Variants in ARHGAP26 observed in about 807,000 individuals in gnomAD.
ARHGAP26 encodes rho GTPase-activating protein 26.
ARHGAP26 carries 38 observed loss-of-function variants against 104.8 expected under a neutral mutation model. The observed-to-expected ratio is 0.36, with a 90% CI of 0.28 to 0.48. The LOEUF is 0.48. Among genes scored for constraint, ARHGAP26 ranks in the 20% least tolerant of loss-of-function variants. ARHGAP26 has a pLI of 0.99. For synonymous variants in ARHGAP26, 341 were observed against 340.0 expected (o/e 1.00, Z -0.03); for missense variants, 704 against 947.9 (o/e 0.74, Z 3.38).
intron 11 of ARHGAP26, among the ~76,000 whole-genome samples, chr5:142,934,727 T>C (rs1765174560): frequency 6.6e-6 from 1 of 152,104 alleles, no homozygotes; most frequent in Non-Finnish European, 1.5e-5. Context: ...TATACTTCTA[T>C]CTCAGTTGTT....
intron 1 of ARHGAP26, among the ~76,000 whole-genome samples, chr5:142,786,722 C>A (rs1758730298): frequency 7.2e-6 from 1 of 139,190 alleles, no homozygotes; most frequent in South Asian, 2.3e-4. Context: ...TCTTGGCTCA[C>A]TGCAACCTCC....
chr5:142,884,097 G>A lies in ARHGAP26; in HGVS notation c.385-1201G>A, dbSNP rs1158284616. ...CACATGAGTCAAAAGCAGGAATAAT[G>A]TACCCAATTAGCAAATTTGATCCCG... is the stretch of plus-strand genomic sequence containing the variant. On this transcript the variant is annotated intron_variant, in intron 4 of 22. Transcript: ENST00000645722. Among the ~76,000 whole-genome samples the A allele has an allele frequency of 2.0e-5, 3 of 152,232 alleles. No homozygotes were observed. In the East Asian group the frequency reaches 5.8e-4, roughly 29 times the overall value.
intron 1 of ARHGAP26, among the ~76,000 whole-genome samples, chr5:142,836,349 T>C (rs1334301005): frequency 1.3e-5 from 2 of 152,182 alleles, no homozygotes; most frequent in South Asian, 2.1e-4. Context: ...ATATAAATCA[T>C]TTACAACTTA....
chr5:143,019,794 T>C (rs1425121021), intron 12 of ARHGAP26, among the ~76,000 whole-genome samples: 4 of 152,228 alleles, frequency 2.6e-5, no homozygotes, highest in Admixed American at 2.6e-4. Context: ...ACAAGAATGC[T>C]GCCCTCCCAC....
chr5:143,045,364 A>G (rs1305370779), intron 14 of ARHGAP26, among the ~76,000 whole-genome samples: 1 of 152,240 alleles, frequency 6.6e-6, no homozygotes, highest in Non-Finnish European at 1.5e-5. Context: ...AATGATATCC[A>G]TGATTCTCCC....
chr5:143,227,655 G>C lies in ARHGAP26; in HGVS notation c.*5209G>C, dbSNP rs1811773742. On this transcript the variant is annotated 3_prime_UTR_variant, in exon 23 of 23. Coordinates refer to ENST00000645722, the MANE Select transcript of ARHGAP26 (RefSeq NM_001135608.3). Reference sequence around the variant, plus strand: ...GTCTAACTAAAGAGCTTCCCAAAGTGGAGGGAAAGGCCATAGAATCCAGGT... The same window carrying C: ...GTCTAACTAAAGAGCTTCCCAAAGTCGAGGGAAAGGCCATAGAATCCAGGT... 4.4e-6 allele frequency: 1 copy of C among 229,024 alleles called. No individual in the cohort carries two copies. The highest frequency in any genetic ancestry group is 1.8e-4 in the South Asian group (1 of 5,494). 14.2% of individuals were successfully genotyped at this position (229,024 alleles called of 1,614,324 possible).
chr5:142,996,312 G>A (rs1408012434), intron 11 of ARHGAP26, among the ~76,000 whole-genome samples: 1 of 152,122 alleles, frequency 6.6e-6, no homozygotes, highest in Non-Finnish European at 1.5e-5. Flanking sequence ...TTAACATGGT[G>A]AAACTCTGTC....
intron 11 of ARHGAP26, chr5:142,947,018 T>G (rs1436312865): frequency 6.8e-6 from 1 of 146,788 alleles, no homozygotes; most frequent in Non-Finnish European, 1.5e-5. Context: ...CTGCCATTGC[T>G]CCCACGCTCT....
Position 143,226,204 on chromosome 5 carries a change from G to A in ARHGAP26, c.*3758G>A, listed in dbSNP as rs965466504. 8 of 182,036 alleles carry A rather than the reference G, an allele frequency of 4.4e-5. No homozygotes were observed. Among genetic ancestry groups the A allele is most frequent in the Admixed American group, 1.9e-4 (3 of 15,970 alleles). The allele number at this position is 182,036 out of a possible 1,614,324, so 11.3% of individuals were successfully genotyped here. A position where few individuals can be genotyped will look rare whatever the true frequency, so the allele number is the denominator to read the frequency against. The stretch of plus-strand genomic sequence containing the variant: ...TTCGTAGCTAAAGAATGCCATGGCC[G>A]GGTGCAGTGGCTCACGCCTATAATC... On this transcript the variant is annotated 3_prime_UTR_variant, in exon 23 of 23. Transcript: ENST00000645722.
intron 11 of ARHGAP26, among the ~76,000 whole-genome samples, chr5:142,976,323 A>G (rs1170446085): frequency 6.6e-6 from 1 of 152,226 alleles, no homozygotes; most frequent in East Asian, 1.9e-4. Context: ...TGAAGTGAAT[A>G]AGTGAACTAA....
chr5:142,851,361 T>G (rs2152265071), intron 1 of ARHGAP26, among the ~76,000 whole-genome samples: 1 of 152,362 alleles, frequency 6.6e-6, no homozygotes, highest in Admixed American at 6.5e-5. Flanking sequence ...CCTCCCAAAG[T>G]GCTGGGATTA....
chr5:142,789,730 C>A (rs761348267), intron 1 of ARHGAP26, among the ~76,000 whole-genome samples: 28 of 152,332 alleles, frequency 1.8e-4, no homozygotes, highest in African/African-American at 5.8e-4. Flanking sequence ...CATACACACT[C>A]CTGCCACTTA....
chr5:142,969,180 A>T (rs998069085), intron 11 of ARHGAP26, among the ~76,000 whole-genome samples: 1 of 152,228 alleles, frequency 6.6e-6, no homozygotes, highest in Admixed American at 6.5e-5. Flanking sequence ...TGCTCAAGCA[A>T]TCTGCCCACC....
At chr5:142,845,811 T>G (rs924535904) in intron 1 of ARHGAP26, among the ~76,000 whole-genome samples, 3 of 152,132 alleles carry the variant, frequency 2.0e-5, no homozygotes, top group Non-Finnish European at 4.4e-5. Flanking sequence ...CTTGATAGAC[T>G]AAGCTCTGAG....
chr5:142,964,510 C>G (rs1319475013), intron 11 of ARHGAP26, among the ~76,000 whole-genome samples: 1 of 151,954 alleles, frequency 6.6e-6, no homozygotes, highest in Non-Finnish European at 1.5e-5. Context: ...CTCCTAAAGC[C>G]ACTGAGCTTA....
At chr5:143,187,999 G>A (rs1279541626) in intron 20 of ARHGAP26, among the ~76,000 whole-genome samples, 2 of 152,108 alleles carry the variant, frequency 1.3e-5, no homozygotes, top group African/African-American at 4.8e-5. Flanking sequence ...GGACACTTTC[G>A]CAAACTACAC....
chr5:143,156,338 G>C (rs1028191370), intron 20 of ARHGAP26, among the ~76,000 whole-genome samples: 2 of 152,136 alleles, frequency 1.3e-5, no homozygotes, highest in Non-Finnish European at 2.9e-5. Flanking sequence ...CTGCATTAGG[G>C]ATCTGGAAAG....
At chr5:143,192,892 G>T (rs1177746751) in intron 20 of ARHGAP26, among the ~76,000 whole-genome samples, 1 of 151,898 alleles carries the variant, frequency 6.6e-6, no homozygotes, top group African/African-American at 2.4e-5. Flanking sequence ...AAGATCTCTG[G>T]TCACCCTAAG....
At chr5:143,104,264 C>T (rs1406746323) in intron 17 of ARHGAP26, among the ~76,000 whole-genome samples, 1 of 152,112 alleles carries the variant, frequency 6.6e-6, no homozygotes, top group East Asian at 1.9e-4. Flanking sequence ...AATCCCAGCA[C>T]TCTGGGAAGC....
Sources: gnomAD v4.1 joint callset for allele counts (sites outside exome capture counted in the v4.1 genomes callset) on GRCh38, gnomAD v4.1.1 for gene constraint, MANE v1.5 for transcripts, NCBI Gene and HGNC (gene_info 2026-07-23, HGNC 2026-07-21) for gene names.